The following GALNT9 variants were observed in gnomAD, a reference collection of about 807,000 sequenced individuals.
GALNT9 encodes GalNAc transferase 9.
In GALNT9, 47 loss-of-function variants were observed where a neutral mutation model predicts 63.1. The observed-to-expected ratio is 0.75, with a 90% CI of 0.59 to 0.95. GALNT9 has a LOEUF of 0.95. Among genes scored for constraint, GALNT9 ranks in the 40% least tolerant of loss-of-function variants. GALNT9 has a pLI of 0.00. For synonymous variants in GALNT9, 396 were observed against 365.7 expected (o/e 1.08, Z -0.94); for missense variants, 829 against 874.8 (o/e 0.95, Z 0.66).
intron 1 of GALNT9, among the ~76,000 whole-genome samples, chr12:132,289,676 G>T (rs1446116757): frequency 6.6e-6 from 1 of 152,216 alleles, no homozygotes; most frequent in Admixed American, 6.5e-5. Flanking sequence ...AGGGTTGCCA[G>T]GCCTCTGAAT....
intron 6 of GALNT9, among the ~76,000 whole-genome samples, chr12:132,227,187 G>C (rs1321155990): frequency 6.6e-6 from 1 of 152,158 alleles, no homozygotes; most frequent in Non-Finnish European, 1.5e-5. Context: ...GGCATGAGGA[G>C]AGACTCAGAT....
chr12:132,240,703 T>A (rs1555236918), intron 6 of GALNT9: 2 of 455,970 alleles, frequency 4.4e-6, no homozygotes, highest in South Asian at 1.5e-5. Context: ...ATAATTTACC[T>A]TATCTTGCTG....
At chr12:132,201,711 G>A (rs373818892) in intron 7 of GALNT9, among the ~76,000 whole-genome samples, 21 of 152,314 alleles carry the variant, frequency 1.4e-4, no homozygotes, top group Admixed American at 9.1e-4. Context: ...CGCCTGGCAC[G>A]TGTTGTCACG....
chr12:132,324,658 C>A (rs1037558708), intron 1 of GALNT9, among the ~76,000 whole-genome samples: 1 of 152,028 alleles, frequency 6.6e-6, no homozygotes, highest in African/African-American at 2.4e-5. Context: ...AGGGAGACAC[C>A]CTCCCATCTA....
rs1443912427 is a variant in GALNT9, at chr12:132,329,088, C to A, written c.116G>T (p.Arg39Leu). The A allele has an allele frequency of 1.3e-6, 2 of 1,548,596 alleles. No homozygotes were observed. Among genetic ancestry groups the A allele is most frequent in the Non-Finnish European group, 1.7e-6 (2 of 1,146,462 alleles). ...CACCCGGCGGTCGCCGCTCACGATG[C>A]GCACGAGCTCCTGGGAGCGGCCCTG... The part of the protein sequence containing the change: ...RLQGRSQELV[R>L]IVSGDRRVRS... The change falls in exon 1 of 11, where the codon CGC becomes CTC. Residue 39 changes from arginine (R) to leucine (L), a missense_variant. Arg to Leu is a moderately radical substitution (Grantham distance 102). Coordinates refer to ENST00000328957, the MANE Select transcript of GALNT9 (RefSeq NM_001122636.2).
intron 4 of GALNT9, among the ~76,000 whole-genome samples, chr12:132,259,469 C>T (rs1364856242): frequency 2.0e-5 from 3 of 152,166 alleles, no homozygotes; most frequent in Admixed American, 6.5e-5. Flanking sequence ...GAAAGGAAAG[C>T]GCCCTGCGGA....
intron 1 of GALNT9, among the ~76,000 whole-genome samples, chr12:132,298,658 T>C (rs1205960475): frequency 1.3e-5 from 2 of 150,410 alleles, no homozygotes; most frequent in Admixed American, 1.3e-4. Flanking sequence ...CTCACTCCCA[T>C]AACTAACCCA....
chr12:132,268,951 G>T (rs1484856414), intron 2 of GALNT9, among the ~76,000 whole-genome samples: 1 of 152,178 alleles, frequency 6.6e-6, no homozygotes, highest in Non-Finnish European at 1.5e-5. Flanking sequence ...TGGCGCAGCT[G>T]CTTGGAAAAC....
chr12:132,317,562 G>C (rs1868574298), intron 1 of GALNT9, among the ~76,000 whole-genome samples: 1 of 152,262 alleles, frequency 6.6e-6, no homozygotes, highest in African/African-American at 2.4e-5. Flanking sequence ...CAGTGAGTCT[G>C]TTAAAAGCAT....
intron 6 of GALNT9, among the ~76,000 whole-genome samples, chr12:132,213,078 CTCGACACGGAAACCCCACCCGG>C: frequency 1.9e-5 from 2 of 105,472 alleles, no homozygotes; most frequent in African/African-American, 3.6e-5. Context: ...GCCCTCAGAC[CTCGACACGGAAACCCCACCCGG>C]GTCTGCAGCC....
intron 6 of GALNT9, among the ~76,000 whole-genome samples, chr12:132,217,306 A>C (rs1241443879): frequency 6.7e-5 from 9 of 134,550 alleles, no homozygotes; most frequent in South Asian, 2.4e-4. Context: ...GCCAGCCATC[A>C]ATCCATCCAT....
At chr12:132,199,894 T>G (rs1365122413) in intron 8 of GALNT9, among the ~76,000 whole-genome samples, 2 of 152,208 alleles carry the variant, frequency 1.3e-5, no homozygotes, top group Non-Finnish European at 2.9e-5. Flanking sequence ...GTCTCCAGGC[T>G]GCTGGGTTTG....
intron 2 of GALNT9, among the ~76,000 whole-genome samples, chr12:132,285,439 G>A (rs868917554): frequency 8.5e-5 from 13 of 152,362 alleles, no homozygotes; most frequent in Middle Eastern, 3.4e-3. Flanking sequence ...CGCTTGTCGC[G>A]GCTACTCCCT....
chr12:132,260,917 G>C lies in GALNT9; in HGVS notation c.761+31C>G. 3 of 1,496,496 alleles carry C rather than the reference G, an allele frequency of 2.0e-6. No homozygotes were observed. The South Asian group carries it at 3.9e-5, about 19-fold the overall frequency. 92.7% of individuals were successfully genotyped at this position (1,496,496 alleles called of 1,614,324 possible). On this transcript the variant is annotated intron_variant, in intron 4 of 10. Coordinates refer to ENST00000328957, the MANE Select transcript of GALNT9 (RefSeq NM_001122636.2). ...GGGATGGTGGAGGGGGACCCGCTGA[G>C]ACTGGCTGTCCAGCCTGTTCCGGCC... is the stretch of plus-strand genomic sequence containing the variant.
intron 6 of GALNT9, among the ~76,000 whole-genome samples, chr12:132,243,247 C>T (rs1482229891): frequency 5.3e-5 from 6 of 113,172 alleles, no homozygotes; most frequent in East Asian, 2.6e-4. Context: ...ACCCCCTTCC[C>T]GGGGCCCTCC....
chr12:132,256,230 C>G (rs1879104698), intron 5 of GALNT9, among the ~76,000 whole-genome samples: 1 of 152,104 alleles, frequency 6.6e-6, no homozygotes, highest in South Asian at 2.1e-4. Context: ...AGCCCCGACC[C>G]TCAGCCTCCA....
In GALNT9 at chr12:132,296,229, C is replaced by T. The variant is rs1351512862; in HGVS notation, c.239-9799G>A. Among the ~76,000 whole-genome samples, 4 of 152,396 alleles carry T rather than the reference C, an allele frequency of 2.6e-5. No individual in the cohort carries two copies. The highest frequency in any genetic ancestry group is 5.9e-5 in the Non-Finnish European group (4 of 68,042). Reference sequence around the variant, plus strand: ...TGTCCGTTTCTGTTGGTCTAAGCCACGCAGTCTGTGGTGATCTGTCACGGC... The same window carrying T: ...TGTCCGTTTCTGTTGGTCTAAGCCATGCAGTCTGTGGTGATCTGTCACGGC... On this transcript the variant is annotated intron_variant, in intron 1 of 10. Coordinates refer to ENST00000328957, the MANE Select transcript of GALNT9 (RefSeq NM_001122636.2). This position sits in a 1 kb window ranked among gnomAD's most constrained non-coding sequence, Gnocchi z 4.2.
At position 132,247,936 on chromosome 12, in the gene GALNT9, C is replaced by G; in HGVS notation, c.1051G>C (p.Gly351Arg). The change falls in exon 6 of 11, where the codon GGC becomes CGC. Residue 351 changes from glycine (G) to arginine (R), a missense_variant. Gly to Arg is a moderately radical substitution (Grantham distance 125). Transcript: ENST00000328957. The stretch of plus-strand genomic sequence containing the variant: ...CTCATGCCCAGTTCTACGTTCTCGC[C>G]GCCATACACCTCCATGCCGGGGTCC... ...LLDPGMEVYG[G>R]ENVELGMRVW... is the part of the protein sequence containing the mutation. 6.4e-7 allele frequency: 1 copy of G among 1,551,538 alleles called. No individual in the cohort carries two copies.
chr12:132,281,007 C>A lies in GALNT9; in HGVS notation c.419+5243G>T, dbSNP rs947828690. 6 of 152,822 alleles carry A rather than the reference C, an allele frequency of 3.9e-5. No homozygotes were observed. In the Admixed American group the frequency reaches 3.9e-4, roughly 10 times the overall value. 9.5% of individuals were successfully genotyped at this position (152,822 alleles called of 1,614,324 possible). A position where few individuals can be genotyped will look rare whatever the true frequency, so the allele number is the denominator to read the frequency against. ...TGCGTGGTCTGCAGCCAGCCCCCTGCAGCCAGGCCCCTGCAGCCAGCCCCC... is the reference window on the plus strand; with the variant it reads ...TGCGTGGTCTGCAGCCAGCCCCCTGAAGCCAGGCCCCTGCAGCCAGCCCCC... On this transcript the variant is annotated intron_variant, in intron 2 of 10. Coordinates refer to ENST00000328957, the MANE Select transcript of GALNT9 (RefSeq NM_001122636.2).
Sources: gnomAD v4.1 joint callset for allele counts (sites outside exome capture counted in the v4.1 genomes callset) on GRCh38, gnomAD v4.1.1 for gene constraint, Gnocchi (gnomAD v3.1) non-coding constraint, MANE v1.5 for transcripts, NCBI Gene and HGNC (gene_info 2026-07-23, HGNC 2026-07-21) for gene names.